The following VAPB variants were observed in gnomAD, a reference collection of about 807,000 sequenced individuals.
VAPB encodes vesicle-associated membrane protein-associated protein B/C.
A neutral mutation model predicts 25.6 loss-of-function variants in VAPB; 7 were observed. The ratio of observed to expected loss-of-function variants is 0.27; its 90% CI spans 0.16 to 0.51. The LOEUF (loss-of-function observed/expected upper bound fraction) is 0.51. VAPB is among the 20% of genes least tolerant of loss of function. VAPB has a pLI of 0.97. For missense variants in VAPB, 266 were observed against 301.3 expected, an observed-to-expected ratio of 0.88 and a Z score of 0.87; for synonymous variants, 112 against 109.2, an observed-to-expected ratio of 1.03 and a Z score of -0.16.
chr20:58,395,130 A>G (rs1380471150), intron 1 of VAPB, among the ~76,000 whole-genome samples: 1 of 151,518 alleles, frequency 6.6e-6, no homozygotes, highest in African/African-American at 2.4e-5. Flanking sequence ...ATTTTTACAT[A>G]AAGAATTATC....
chr20:58,428,187 A>T (rs1988849305), intron 2 of VAPB, among the ~76,000 whole-genome samples: 2 of 152,234 alleles, frequency 1.3e-5, no homozygotes, highest in Non-Finnish European at 2.9e-5. Context: ...TTAATGATCC[A>T]ATGTTTTATG....
chr20:58,449,521 CA>C lies in VAPB; in HGVS notation c.*5291del. 4.4e-6 allele frequency: 2 copies of C among 453,786 alleles called. No individual in the cohort carries two copies. The highest frequency in any genetic ancestry group is 7.0e-5 in the East Asian group (1 of 14,378). 28.1% of individuals were successfully genotyped at this position (453,786 alleles called of 1,614,324 possible). Reference sequence around the variant, plus strand: ...TAGAAAAGGAAGAAAAGTGTAGCAACAAAAATGTAGCCATTATCTAACTTGC... The same window carrying C: ...TAGAAAAGGAAGAAAAGTGTAGCAACAAAATGTAGCCATTATCTAACTTGC... On this transcript the variant is annotated 3_prime_UTR_variant, in exon 6 of 6. Coordinates refer to ENST00000475243, the MANE Select transcript of VAPB (RefSeq NM_004738.5).
chr20:58,411,396 C>T (rs1892890410), intron 1 of VAPB, among the ~76,000 whole-genome samples: 2 of 152,252 alleles, frequency 1.3e-5, no homozygotes, highest in Admixed American at 1.3e-4. Flanking sequence ...ATCCTCCTGC[C>T]TCAGCCTCCC....
Position 58,445,666 on chromosome 20 carries a change from G to A in VAPB, c.*1431G>A, listed in dbSNP as rs886056813. Reference sequence around the variant, plus strand: ...AATGAGCCCTATCACTGAGAAATACGTGTTTCATGATTTAACTCTGTGTGT... The same window carrying A: ...AATGAGCCCTATCACTGAGAAATACATGTTTCATGATTTAACTCTGTGTGT... On this transcript the variant is annotated 3_prime_UTR_variant, in exon 6 of 6. Coordinates refer to ENST00000475243, the MANE Select transcript of VAPB (RefSeq NM_004738.5). 1.8e-5 allele frequency: 8 copies of A among 452,834 alleles called. No homozygotes were observed. Among genetic ancestry groups the A allele is most frequent in the African/African-American group, 1.4e-4 (7 of 49,358 alleles). 28.1% of individuals were successfully genotyped at this position (452,834 alleles called of 1,614,324 possible).
intron 1 of VAPB, among the ~76,000 whole-genome samples, chr20:58,413,561 G>A (rs1297090479): frequency 6.6e-6 from 1 of 152,018 alleles, no homozygotes; most frequent in African/African-American, 2.4e-5. Flanking sequence ...ACACAGACAT[G>A]GCAACCATCC....
chr20:58,425,799 A>G (rs1367350789), intron 2 of VAPB, among the ~76,000 whole-genome samples: 2 of 152,206 alleles, frequency 1.3e-5, no homozygotes, highest in Non-Finnish European at 2.9e-5. Flanking sequence ...GGGGTCCAGC[A>G]GTCTGTGTTG....
intron 1 of VAPB, among the ~76,000 whole-genome samples, chr20:58,401,751 A>T (rs751734801): frequency 3.3e-5 from 5 of 152,042 alleles, no homozygotes; most frequent in Non-Finnish European, 5.9e-5. Flanking sequence ...AACGTCACTT[A>T]TGTATGAACC....
chr20:58,389,230 C>A lies in VAPB; in HGVS notation c.-230C>A. 1 of 652,986 alleles carries A rather than the reference C, an allele frequency of 1.5e-6. No homozygotes were observed. Among genetic ancestry groups the A allele is most frequent in the Non-Finnish European group, 2.8e-6 (1 of 357,852 alleles). The allele number at this position is 652,986 out of a possible 1,614,324, so 40.4% of individuals were successfully genotyped here. A position where few individuals can be genotyped will look rare whatever the true frequency, so the allele number is the denominator to read the frequency against. On this transcript the variant is annotated 5_prime_UTR_variant, in exon 1 of 6. Coordinates refer to ENST00000475243, the MANE Select transcript of VAPB (RefSeq NM_004738.5). ...CTCTGCGTGCGTGCGTGCGTGCGTGCGTGCCGTCAGCTCGCCGGGCACCGC... is the reference window on the plus strand; with the variant it reads ...CTCTGCGTGCGTGCGTGCGTGCGTGAGTGCCGTCAGCTCGCCGGGCACCGC...
intron 1 of VAPB, among the ~76,000 whole-genome samples, chr20:58,397,481 C>T (rs918340709): frequency 2.0e-5 from 3 of 150,822 alleles, no homozygotes; most frequent in South Asian, 2.1e-4. Context: ...ATCCCGCCAT[C>T]GCACTCCAGC....
chr20:58,414,723 C>G (rs1337838940), intron 1 of VAPB, among the ~76,000 whole-genome samples: 1 of 151,466 alleles, frequency 6.6e-6, no homozygotes, highest in African/African-American at 2.4e-5. Flanking sequence ...CGGTCGGAGA[C>G]GCTCCTCACC....
chr20:58,403,029 GGA>G (rs112578439), intron 1 of VAPB, among the ~76,000 whole-genome samples: 2,045 of 151,614 alleles, frequency 0.013, 47 homozygotes, highest in African/African-American at 0.048. Flanking sequence ...AGCTGAGAAA[GGA>G]GAGAGGGGGG....
chr20:58,444,111 A>T lies in VAPB; in HGVS notation c.608A>T (p.Gln203Leu), dbSNP rs746344958. 2.5e-6 allele frequency: 4 copies of T among 1,614,244 alleles called. No individual in the cohort carries two copies. Among genetic ancestry groups the T allele is most frequent in the Admixed American group, 3.3e-5 (2 of 60,030 alleles). Residue 203 changes from glutamine (Q) to leucine (L), a missense_variant, in exon 6 of 6, where the codon CAG (glutamine) becomes CTG (leucine). Coordinates refer to ENST00000475243, the MANE Select transcript of VAPB (RefSeq NM_004738.5). ...GGACTGCGGATGAGGAAGACAGTGCAGAGCAACAGCCCCATTTCAGCATTA... is the reference window on the plus strand; with the variant it reads ...GGACTGCGGATGAGGAAGACAGTGCTGAGCAACAGCCCCATTTCAGCATTA... ...EDGLRMRKTV[Q>L]SNSPISALAP...
chr20:58,413,641 G>A (rs1320155010), intron 1 of VAPB, among the ~76,000 whole-genome samples: 3 of 151,752 alleles, frequency 2.0e-5, no homozygotes, highest in Non-Finnish European at 2.9e-5. Flanking sequence ...ATCCTGGCCC[G>A]TTCTCAATGA....
intron 1 of VAPB, among the ~76,000 whole-genome samples, chr20:58,391,054 C>T (rs760400798): frequency 5.3e-5 from 8 of 152,162 alleles, no homozygotes; most frequent in Non-Finnish European, 1.0e-4. Context: ...CTGGGGATGC[C>T]AGATTGGGAA....
At chr20:58,441,984 G>A (rs1231874948) in intron 5 of VAPB, among the ~76,000 whole-genome samples, 1 of 152,140 alleles carries the variant, frequency 6.6e-6, no homozygotes, top group African/African-American at 2.4e-5. Context: ...CATTGGCAAT[G>A]GAAGGTTGTA....
intron 2 of VAPB, among the ~76,000 whole-genome samples, chr20:58,426,374 A>C (rs566785313): frequency 2.0e-5 from 3 of 152,242 alleles, no homozygotes; most frequent in Admixed American, 2.0e-4. Flanking sequence ...TTCCTTACAG[A>C]GTTCTGTTAG....
chr20:58,438,671 T>G (rs1270947981), intron 3 of VAPB, among the ~76,000 whole-genome samples: 1 of 152,202 alleles, frequency 6.6e-6, no homozygotes, highest in Non-Finnish European at 1.5e-5. Flanking sequence ...GGTGGGCCTG[T>G]CCCACAGAGT....
In VAPB at chr20:58,449,173, C is replaced by T. The variant is rs1276627119; in HGVS notation, c.*4938C>T. On this transcript the variant is annotated 3_prime_UTR_variant, in exon 6 of 6. Coordinates refer to ENST00000475243, the MANE Select transcript of VAPB (RefSeq NM_004738.5). ...CCCCAGCTTCACAGACCTCTTCCTC[C>T]AGCCTCTGAATCCCATTAGCCACAG... is the stretch of plus-strand genomic sequence containing the variant. The T allele has an allele frequency of 2.2e-6, 1 of 454,146 alleles. No homozygotes were observed. Among genetic ancestry groups the T allele is most frequent in the Admixed American group, 2.3e-5 (1 of 42,576 alleles). 28.1% of individuals were successfully genotyped at this position (454,146 alleles called of 1,614,324 possible).
intron 2 of VAPB, among the ~76,000 whole-genome samples, chr20:58,418,779 A>G (rs931989935): frequency 2.0e-5 from 3 of 152,176 alleles, no homozygotes; most frequent in Non-Finnish European, 4.4e-5. Context: ...ATTTAAGCTA[A>G]ATGATTTCTG....
Sources: allele counts gnomAD v4.1 joint callset (sites outside exome capture counted in the v4.1 genomes callset), GRCh38; gene constraint gnomAD v4.1.1; transcripts MANE v1.5; gene names NCBI Gene and HGNC (gene_info 2026-07-23, HGNC 2026-07-21).